CCDC178: variants seen among roughly 807,000 people sequenced by gnomAD.
CCDC178 encodes coiled-coil domain-containing protein 178.
Under a neutral mutation model 117.4 loss-of-function variants are expected in CCDC178, and 126 were observed. The observed-to-expected ratio is 1.07, with a 90% confidence interval of 0.93 to 1.24. CCDC178 has a LOEUF of 1.24. Among genes scored for constraint, CCDC178 ranks in the 50% most tolerant of loss-of-function variants. The pLI is 0.00. For synonymous variants in CCDC178, 283 were observed against 313.4 expected (o/e 0.90, Z 1.02); for missense variants, 1,030 against 986.9 (o/e 1.04, Z -0.59).
At chr18:33,063,040 A>T (rs1012556935) in intron 21 of CCDC178, among the ~76,000 whole-genome samples, 6 of 152,112 alleles carry the variant, frequency 3.9e-5, no homozygotes, top group African/African-American at 1.4e-4. Flanking sequence ...ACAGAAACAC[A>T]ACCCCTTCCA....
At chr18:33,371,782 T>TACACACACACACACACAC (rs769582307) in intron 5 of CCDC178, among the ~76,000 whole-genome samples, 1 of 53,564 alleles carries the variant, frequency 1.9e-5, no homozygotes, top group African/African-American at 5.1e-5. Flanking sequence ...CATAAACATA[T>TACACACACACACACACAC]ATACACACAC....
At chr18:33,430,206 A>G (rs2144965355) in intron 2 of CCDC178, among the ~76,000 whole-genome samples, 1 of 152,368 alleles carries the variant, frequency 6.6e-6, no homozygotes, top group Admixed American at 6.5e-5. Flanking sequence ...AAACCTAAAT[A>G]TAATAAAACT....
chr18:33,336,663 A>G (rs2062744221), intron 9 of CCDC178, among the ~76,000 whole-genome samples: 2 of 152,132 alleles, frequency 1.3e-5, no homozygotes, highest in South Asian at 4.1e-4. Flanking sequence ...AGCACTATCA[A>G]TCAAATTGAC....
chr18:33,323,649 T>G lies in CCDC178; in HGVS notation c.880-16A>C, dbSNP rs775423952. The G allele has an allele frequency of 7.0e-7, 1 of 1,432,264 alleles. No homozygotes were observed. Among genetic ancestry groups the G allele is most frequent in the South Asian group, 1.6e-5 (1 of 61,928 alleles). The allele number at this position is 1,432,264 out of a possible 1,614,324, so 88.7% of individuals were successfully genotyped here. On this transcript the variant is annotated splice_polypyrimidine_tract_variant and intron_variant, in intron 10 of 22. Transcript: ENST00000383096. ...GGTCCATTACCTAGAAATGAAAATA[T>G]TTTTGCTTATATTTGCACTTAATGG...
intron 5 of CCDC178, among the ~76,000 whole-genome samples, chr18:33,377,253 T>C (rs2063378602): frequency 6.6e-6 from 1 of 152,236 alleles, no homozygotes; most frequent in Admixed American, 6.5e-5. Flanking sequence ...TGTTTTCTTT[T>C]GAAAAGTGTT....
At chr18:33,260,793 T>C (rs1197933827) in intron 14 of CCDC178, among the ~76,000 whole-genome samples, 1 of 152,140 alleles carries the variant, frequency 6.6e-6, no homozygotes, top group Non-Finnish European at 1.5e-5. Context: ...TTTTTTTGTT[T>C]TTTTTCATAA....
intron 6 of CCDC178, 76 bp downstream of exon 6, chr18:33,369,974 G>A (rs1345502865): frequency 1.1e-5 from 14 of 1,224,548 alleles, no homozygotes; most frequent in Non-Finnish European, 1.3e-5. Context: ...AGAGTTTCCT[G>A]GGTTCTTTAA....
chr18:32,995,488 C>G (rs1169804192), intron 21 of CCDC178, among the ~76,000 whole-genome samples: 1 of 151,784 alleles, frequency 6.6e-6, no homozygotes, highest in Non-Finnish European at 1.5e-5. Flanking sequence ...TTATTAAAGC[C>G]AAGTATAATA....
At chr18:33,107,096 C>T (rs1287772469) in intron 20 of CCDC178, among the ~76,000 whole-genome samples, 1 of 151,726 alleles carries the variant, frequency 6.6e-6, no homozygotes, top group Non-Finnish European at 1.5e-5. Context: ...CCCATCAAGA[C>T]CCAAGTCAGA....
chr18:33,406,993 T>C (rs1223308216), intron 3 of CCDC178, among the ~76,000 whole-genome samples: 1 of 152,192 alleles, frequency 6.6e-6, no homozygotes, highest in Non-Finnish European at 1.5e-5. Context: ...AAAAACATCA[T>C]GTTAACTATT....
chr18:33,222,370 T>A (rs933226009), intron 18 of CCDC178, among the ~76,000 whole-genome samples: 1 of 151,830 alleles, frequency 6.6e-6, no homozygotes, highest in Admixed American at 6.6e-5. Flanking sequence ...TTGTTTAGGC[T>A]GTTACAACAA....
At chr18:33,103,470 A>G (rs1431604172) in intron 20 of CCDC178, among the ~76,000 whole-genome samples, 2 of 151,626 alleles carry the variant, frequency 1.3e-5, no homozygotes, top group East Asian at 3.9e-4. Flanking sequence ...GGCTCTACTT[A>G]GGCCTAAGCA....
At chr18:33,423,489 T>C (rs1437988009) in intron 2 of CCDC178, among the ~76,000 whole-genome samples, 1 of 152,220 alleles carries the variant, frequency 6.6e-6, no homozygotes, top group African/African-American at 2.4e-5. Context: ...AGTATATCTA[T>C]TCTCCTATTG....
intron 22 of CCDC178, among the ~76,000 whole-genome samples, chr18:32,966,947 A>T (rs1210415309): frequency 6.6e-6 from 1 of 151,778 alleles, no homozygotes; most frequent in African/African-American, 2.4e-5. Flanking sequence ...TAACTGTCTT[A>T]TTAATTCTAA....
At chr18:33,436,304 A>G (rs894104102) in intron 2 of CCDC178, among the ~76,000 whole-genome samples, 24 of 152,184 alleles carry the variant, frequency 1.6e-4, no homozygotes, top group African/African-American at 5.8e-4. Flanking sequence ...TTTCCCATAA[A>G]TGATAGGAGC....
intron 11 of CCDC178, among the ~76,000 whole-genome samples, chr18:33,313,105 A>G (rs2062364979): frequency 6.6e-6 from 1 of 152,230 alleles, no homozygotes; most frequent in African/African-American, 2.4e-5. Flanking sequence ...GCTCTAGCCC[A>G]TGCATTAGAG....
chr18:33,312,652 G>T lies in CCDC178; in HGVS notation c.1022+10839C>A, dbSNP rs568249192. On this transcript the variant is annotated intron_variant, in intron 11 of 22. Transcript: ENST00000383096. ...ACCTTGCCTTTGATCTGTTGCAGCT[G>T]TGAAACTCTTTTTAAAAGAAACAGA... Among the ~76,000 whole-genome samples, 7 of 152,284 alleles carry T rather than the reference G, an allele frequency of 4.6e-5. No individual in the cohort carries two copies. The East Asian group carries it at 1.4e-3, about 29-fold the overall frequency.
intron 20 of CCDC178, among the ~76,000 whole-genome samples, chr18:33,160,253 T>C (rs2058446546): frequency 6.6e-6 from 1 of 152,130 alleles, no homozygotes; most frequent in African/African-American, 2.4e-5. Context: ...TCTACGACAG[T>C]CTTGGTAAAT....
At chr18:33,094,532 A>G (rs1480453536) in intron 20 of CCDC178, among the ~76,000 whole-genome samples, 2 of 151,676 alleles carry the variant, frequency 1.3e-5, no homozygotes, top group African/African-American at 2.4e-5. Flanking sequence ...GAGACATCCT[A>G]CTTCTCAGGT....
Sources: gnomAD v4.1 joint callset for allele counts (sites outside exome capture counted in the v4.1 genomes callset) on GRCh38, gnomAD v4.1.1 for gene constraint, MANE v1.5 for transcripts, NCBI Gene and HGNC (gene_info 2026-07-23, HGNC 2026-07-21) for gene names.